Variants in CTNS observed in about 807,000 individuals in gnomAD.
CTNS encodes cystinosin, lysosomal cystine transporter, also known as cystinosin.
CTNS carries 27 observed loss-of-function variants against 43.7 expected under a neutral mutation model. The ratio of observed to expected loss-of-function variants is 0.62; its 90% CI spans 0.46 to 0.85. The LOEUF is 0.85. Among genes scored for constraint, CTNS ranks in the 40% least tolerant of loss-of-function variants. The probability of loss-of-function intolerance (pLI) is 0.00; values close to 1 mark genes in which losing one functional copy is unlikely to be tolerated. For synonymous variants in CTNS, 187 were observed against 190.6 expected, an observed-to-expected ratio of 0.98 and a Z score of 0.16; for missense variants, 457 against 475.4, an observed-to-expected ratio of 0.96 and a Z score of 0.36.
At chr17:3,657,899 C>T (rs960067433) in intron 9 of CTNS, 106 bp from the exon 10 acceptor site, 20 of 1,330,466 alleles carry the variant, frequency 1.5e-5, no homozygotes, top group Non-Finnish European at 2.0e-5. Context: ...GGCCAGGGTC[C>T]AGCCTCCGTG....
At chr17:3,657,514 T>G (rs1293163768) in intron 9 of CTNS, 2 of 221,450 alleles carry the variant, frequency 9.0e-6, no homozygotes, top group African/African-American at 4.6e-5. Flanking sequence ...GCTTTTGGTG[T>G]GAAGCGAGAG....
At chr17:3,647,004 G>GA (rs962357990) in intron 3 of CTNS, among the ~76,000 whole-genome samples, 2 of 152,218 alleles carry the variant, frequency 1.3e-5, no homozygotes, top group African/African-American at 4.8e-5. Context: ...GAGAGTGCAG[G>GA]AAAGGGGCTG....
intron 5 of CTNS, chr17:3,650,025 TAAC>T: frequency 1.6e-6 from 2 of 1,283,902 alleles, no homozygotes; most frequent in South Asian, 1.5e-5. Flanking sequence ...CTCACGTTCG[TAAC>T]AACAACAAAA....
In CTNS at chr17:3,662,254, T is replaced by C. The variant is rs1238921760; in HGVS notation, c.*1885T>C. Among the ~76,000 whole-genome samples the C allele has an allele frequency of 1.3e-5, 2 of 151,364 alleles. No homozygotes were observed. Among genetic ancestry groups the C allele is most frequent in the African/African-American group, 4.9e-5 (2 of 41,136 alleles). On this transcript the variant is annotated 3_prime_UTR_variant, in exon 12 of 12. Coordinates refer to ENST00000046640, the MANE Select transcript of CTNS (RefSeq NM_004937.3). ...TGAACCCAGGAGGCGGAGGTTGCAG[T>C]GAGCGAAGATCACGCCATTGCACTC...
chr17:3,662,441 G>A lies in CTNS; in HGVS notation c.*2072G>A, dbSNP rs1397388046. On this transcript the variant is annotated 3_prime_UTR_variant, in exon 12 of 12. Coordinates refer to ENST00000046640, the MANE Select transcript of CTNS (RefSeq NM_004937.3). The stretch of plus-strand genomic sequence containing the variant: ...GGTGCTCTCTGACTCACCCCCATCT[G>A]GCCAGATCACGGCCCCCAGCAACAC... 6.6e-6 allele frequency among the ~76,000 whole-genome samples: 1 copy of A among 152,166 alleles called. No homozygotes were observed. Among genetic ancestry groups the A allele is most frequent in the East Asian group, 1.9e-4 (1 of 5,190 alleles).
At chr17:3,638,961 C>T (rs777161484) in intron 2 of CTNS, among the ~76,000 whole-genome samples, 7 of 152,270 alleles carry the variant, frequency 4.6e-5, no homozygotes, top group East Asian at 3.9e-4. Flanking sequence ...GGCAGACCTG[C>T]AGCAGGCAAA....
chr17:3,645,571 C>T (rs1185973385), intron 3 of CTNS, among the ~76,000 whole-genome samples: 1 of 151,904 alleles, frequency 6.6e-6, no homozygotes, highest in Non-Finnish European at 1.5e-5. Flanking sequence ...CTTTAAGTTT[C>T]CTTCCGGGCC....
At position 3,648,902 on chromosome 17, in the gene CTNS, A is replaced by C. The variant is rs761818244; in HGVS notation, c.196A>C (p.Asn66His). ...ITFEITFRSKNITILELPDEV... is the reference protein window; with the variant it reads ...ITFEITFRSKHITILELPDEV... ...TTTTGAAATCACATTTCGTTCCAAAAATATTACTATCCTTGAGCTCCCCGA... is the reference window on the plus strand; with the variant it reads ...TTTTGAAATCACATTTCGTTCCAAACATATTACTATCCTTGAGCTCCCCGA... The change falls in exon 5 of 12, where the codon AAT (asparagine) becomes CAT (histidine). Residue 66 changes from asparagine (N) to histidine (H), a missense_variant. Transcript: ENST00000046640. 2 of 1,613,924 alleles carry C rather than the reference A, an allele frequency of 1.2e-6. No homozygotes were observed. The highest frequency in any genetic ancestry group is 1.7e-6 in the Non-Finnish European group (2 of 1,179,800).
intron 3 of CTNS, among the ~76,000 whole-genome samples, chr17:3,642,064 C>CAT (rs1555558859): frequency 7.2e-6 from 1 of 139,782 alleles, no homozygotes; most frequent in African/African-American, 2.7e-5. Context: ...TGTACCCGGG[C>CAT]GTGTGTGTGT....
chr17:3,652,387 C>T (rs2076008660), intron 5 of CTNS, among the ~76,000 whole-genome samples: 2 of 151,988 alleles, frequency 1.3e-5, no homozygotes. Context: ...AGGTTGGGAG[C>T]TCAAGACCAG....
chr17:3,658,058 G>T lies in CTNS; in HGVS notation c.735G>T (p.Trp245Cys). The T allele has an allele frequency of 6.2e-7, 1 of 1,612,012 alleles. No homozygotes were observed. Among genetic ancestry groups the T allele is most frequent in the South Asian group, 1.1e-5 (1 of 91,012 alleles). The change falls in exon 10 of 12, where the codon TGG (tryptophan) becomes TGT (cysteine). Residue 245 changes from tryptophan (W) to cysteine (C), a missense_variant. Physicochemically the swap from Trp to Cys is radical, Grantham distance 215. Coordinates refer to ENST00000046640, the MANE Select transcript of CTNS (RefSeq NM_004937.3). ...WPAIGFLVLAWLFAFVTMIVA... is the reference protein window; with the variant it reads ...WPAIGFLVLACLFAFVTMIVA... ...CCATCGGCTTCCTGGTGCTCGCGTG[G>T]CTCTTCGCATTTGTCACCATGATCG...
chr17:3,660,653 C>A lies in CTNS; in HGVS notation c.*284C>A, dbSNP rs762956009. 9 of 1,613,612 alleles carry A rather than the reference C, an allele frequency of 5.6e-6. No homozygotes were observed. Among genetic ancestry groups the A allele is most frequent in the Middle Eastern group, 1.6e-4 (1 of 6,062 alleles). On this transcript the variant is annotated 3_prime_UTR_variant, in exon 12 of 12. Transcript: ENST00000046640. ...CGCGCACAGGCTCTGGCAGCCGTCT[C>A]AGGCAGGACTGGGCACCAAGCTTGC...
Position 3,655,256 on chromosome 17 carries a change from C to T in CTNS, c.365C>T (p.Ala122Val), listed in dbSNP as rs2076099841. 2 of 1,614,236 alleles carry T rather than the reference C, an allele frequency of 1.2e-6. No homozygotes were observed. Among genetic ancestry groups the T allele is most frequent in the Non-Finnish European group, 1.7e-6 (2 of 1,180,048 alleles). Residue 122 changes from alanine to valine, a missense_variant, in exon 7 of 12, where the codon GCC becomes GTC. Coordinates refer to ENST00000046640, the MANE Select transcript of CTNS (RefSeq NM_004937.3). ...CGCTTTCTTGTGATCCGCAGCAGCG[C>T]CATTAGCATCATAAACCAGGTGATT... ...RIRFLVIRSSAISIINQVIGW... is the reference protein window; with the variant it reads ...RIRFLVIRSSVISIINQVIGW...
intron 3 of CTNS, among the ~76,000 whole-genome samples, chr17:3,642,159 G>C (rs1166270624): frequency 7.6e-6 from 1 of 131,994 alleles, no homozygotes; most frequent in Non-Finnish European, 1.7e-5. Context: ...GTGTGTGTGT[G>C]TGTGTGCCCA....
At chr17:3,647,946 G>A (rs919090838) in intron 4 of CTNS, among the ~76,000 whole-genome samples, 1 of 152,216 alleles carries the variant, frequency 6.6e-6, no homozygotes. Flanking sequence ...CACGTCGGGT[G>A]AATGCCGCTC....
chr17:3,652,334 G>A (rs1194519192), intron 5 of CTNS, among the ~76,000 whole-genome samples: 2 of 152,180 alleles, frequency 1.3e-5, no homozygotes, highest in African/African-American at 4.8e-5. Context: ...GCTCATGCCT[G>A]TAATCCCAGC....
At chr17:3,651,137 C>A (rs1029106548) in intron 5 of CTNS, among the ~76,000 whole-genome samples, 3 of 151,854 alleles carry the variant, frequency 2.0e-5, no homozygotes, top group Non-Finnish European at 4.4e-5. Context: ...CTTTGTAGCC[C>A]AGGCTGGAGT....
Position 3,637,324 on chromosome 17 carries a change from C to G in CTNS, c.-20+8C>G, listed in dbSNP as rs558096619. The G allele has an allele frequency of 2.0e-5, 3 of 149,970 alleles. No individual in the cohort carries two copies. Among genetic ancestry groups the G allele is most frequent in the Non-Finnish European group, 4.4e-5 (3 of 67,658 alleles). 9.3% of individuals were successfully genotyped at this position (149,970 alleles called of 1,614,324 possible). A position where few individuals can be genotyped will look rare whatever the true frequency, so the allele number is the denominator to read the frequency against. On this transcript the variant is annotated splice_region_variant and intron_variant, in intron 2 of 11. Transcript: ENST00000046640. Reference sequence around the variant, plus strand: ...GCGCCCTAAGCAACAGAGGTAACCACTTTATATCCTTGTTTCTCAACCTCG... The same window carrying G: ...GCGCCCTAAGCAACAGAGGTAACCAGTTTATATCCTTGTTTCTCAACCTCG...
intron 5 of CTNS, among the ~76,000 whole-genome samples, chr17:3,649,709 C>T (rs1358148402): frequency 2.0e-5 from 3 of 152,258 alleles, no homozygotes; most frequent in Admixed American, 6.5e-5. Flanking sequence ...GATCTAATAG[C>T]GATCATTACC....
Sources: allele counts gnomAD v4.1 joint callset (sites outside exome capture counted in the v4.1 genomes callset), GRCh38; gene constraint gnomAD v4.1.1; transcripts MANE v1.5; gene names NCBI Gene and HGNC (gene_info 2026-07-23, HGNC 2026-07-21).